EFHB: variants seen among roughly 807,000 people sequenced by gnomAD.
EFHB encodes EF-hand domain family member B, also known as EF-hand domain-containing family member B.
In EFHB, 91 loss-of-function variants were observed where a neutral mutation model predicts 87.2. The ratio of observed to expected loss-of-function variants is 1.04; its 90% CI spans 0.88 to 1.24. The LOEUF (loss-of-function observed/expected upper bound fraction) is 1.24, where lower values mean the gene tolerates loss of function less well. EFHB is among the 50% of genes most tolerant of loss of function. EFHB has a pLI of 0.00. For synonymous variants in EFHB, 325 were observed against 333.6 expected (o/e 0.97, Z 0.28); for missense variants, 1,084 against 998.8 (o/e 1.09, Z -1.15).
At chr3:19,915,466 A>T in intron 4 of EFHB, 53 bp from the exon 5 acceptor site, 2 of 1,203,854 alleles carry the variant, frequency 1.7e-6, no homozygotes, top group African/African-American at 3.0e-5. Context: ...ACCTATTTAT[A>T]ATACGTTTAT....
intron 1 of EFHB, chr3:19,941,186 G>A (rs377656776): frequency 2.7e-6 from 1 of 368,516 alleles, no homozygotes; most frequent in Non-Finnish European, 5.2e-6. Flanking sequence ...AAAATATCAT[G>A]AATCTGTGAC....
rs917997267 is a variant in EFHB, at chr3:19,898,754, T to A, written c.1570+24A>T. 4 of 1,611,460 alleles carry A rather than the reference T, an allele frequency of 2.5e-6. No individual in the cohort carries two copies. In the African/African-American group the frequency reaches 5.3e-5, roughly 22 times the overall value. ...TTGTTGCTGTTTGTTTGGGGTTTTT[T>A]ACGGAGAAAGTGTGTATATTTACCA... On this transcript the variant is annotated intron_variant, in intron 8 of 12. Coordinates refer to ENST00000295824, the MANE Select transcript of EFHB (RefSeq NM_144715.4).
intron 1 of EFHB, among the ~76,000 whole-genome samples, chr3:19,939,516 C>T (rs544866174): frequency 3.7e-4 from 56 of 151,328 alleles, no homozygotes; most frequent in African/African-American, 1.3e-3. Flanking sequence ...TCTAGAGTAG[C>T]TGGGACTACA....
chr3:19,931,742 C>T (rs140883478), intron 1 of EFHB, among the ~76,000 whole-genome samples: 5 of 152,238 alleles, frequency 3.3e-5, no homozygotes, highest in African/African-American at 2.4e-5. Context: ...TTTAATCATC[C>T]GGGTTTCCTT....
chr3:19,921,781 T>A (rs1314251003), intron 1 of EFHB, among the ~76,000 whole-genome samples: 14 of 151,522 alleles, frequency 9.2e-5, no homozygotes, highest in South Asian at 2.1e-4. Flanking sequence ...AGATTTTTTT[T>A]AATTCAGTTG....
intron 11 of EFHB, 101 bp from the exon 12 acceptor site, chr3:19,882,832 T>A: frequency 9.3e-7 from 1 of 1,074,402 alleles, no homozygotes; most frequent in African/African-American, 1.6e-5. Context: ...AAAATGTAGC[T>A]AGGAAGAATT....
At chr3:19,887,700 A>C (rs1694155150) in intron 10 of EFHB, among the ~76,000 whole-genome samples, 1 of 152,230 alleles carries the variant, frequency 6.6e-6, no homozygotes, top group Non-Finnish European at 1.5e-5. Flanking sequence ...GAAAGTTTAC[A>C]AATTTGTGTT....
rs557196879 is a variant in EFHB at position 19,884,135 on chromosome 3, A to G, written c.2146+268T>C. Among the ~76,000 whole-genome samples the G allele has an allele frequency of 2.6e-5, 4 of 152,356 alleles. No individual in the cohort carries two copies. The South Asian group carries it at 8.3e-4, about 32-fold the overall frequency. On this transcript the variant is annotated intron_variant, in intron 11 of 12. Transcript: ENST00000295824. ...AATACTTGGTGGAGTCTGAATTACT[A>G]CAATGTATAACATTCAATGTTCTGA...
upstream of EFHB, chr3:19,936,129 A>C (rs1460933349): frequency 6.0e-6 from 9 of 1,496,790 alleles, no homozygotes; most frequent in Non-Finnish European, 8.0e-6. Flanking sequence ...GGGTCTGGAC[A>C]TAGTCACTCA....
At chr3:19,927,986 A>G (rs1358130506) in intron 1 of EFHB, among the ~76,000 whole-genome samples, 1 of 149,572 alleles carries the variant, frequency 6.7e-6, no homozygotes, top group Non-Finnish European at 1.5e-5. Flanking sequence ...ATAGTAGCTA[A>G]TACTATACAT....
chr3:19,910,319 T>C (rs1695010685), intron 5 of EFHB, among the ~76,000 whole-genome samples: 1 of 152,044 alleles, frequency 6.6e-6, no homozygotes, highest in South Asian at 2.1e-4. Flanking sequence ...CTGGCAGTAT[T>C]CCTCATGGCC....
chr3:19,896,758 G>T lies in EFHB; in HGVS notation c.1654C>A (p.Arg552=), dbSNP rs201173584. The part of the protein sequence containing the change: ...DRQRALIAAV[R]HHLKKVNYQK... ...TAATTAACTTTCTTCAGGTGATGCC[G>T]AACTGCTGCAATCAGGGCTCGCTGT... Residue 552 remains arginine, a synonymous_variant, in exon 9 of 13, where the codon CGG becomes AGG. Coordinates refer to ENST00000295824, the MANE Select transcript of EFHB (RefSeq NM_144715.4). 1.2e-6 allele frequency: 2 copies of T among 1,613,662 alleles called. No homozygotes were observed. The highest frequency in any genetic ancestry group is 2.2e-5 in the South Asian group (2 of 91,084).
intron 5 of EFHB, among the ~76,000 whole-genome samples, chr3:19,906,867 C>T (rs923237654): frequency 4.6e-5 from 7 of 151,938 alleles, no homozygotes; most frequent in African/African-American, 1.7e-4. Flanking sequence ...AACAGACATA[C>T]AGGCTAGTGG....
chr3:19,925,947 C>T (rs1695608921), intron 1 of EFHB, among the ~76,000 whole-genome samples: 1 of 152,182 alleles, frequency 6.6e-6, no homozygotes, highest in South Asian at 2.1e-4. Context: ...GTACCCATTC[C>T]CTTTCTGCCC....
chr3:19,936,098 T>C (rs540522992), upstream of EFHB: 28 of 1,251,618 alleles, frequency 2.2e-5, no homozygotes, highest in Non-Finnish European at 2.7e-5. Context: ...AATCCAAAAA[T>C]ATTTTTTTAA....
intron 5 of EFHB, among the ~76,000 whole-genome samples, chr3:19,907,123 T>A (rs904911363): frequency 6.6e-6 from 1 of 150,976 alleles, no homozygotes. Context: ...CTTATTGACA[T>A]TGGCCTTGGC....
At chr3:19,917,578 A>G (rs891788619) in intron 4 of EFHB, among the ~76,000 whole-genome samples, 1 of 152,180 alleles carries the variant, frequency 6.6e-6, no homozygotes. Flanking sequence ...GATAACCTGA[A>G]AAAGAGTAGA....
intron 5 of EFHB, among the ~76,000 whole-genome samples, chr3:19,908,576 G>GAA (rs1559459512): frequency 1.0e-5 from 1 of 95,660 alleles, no homozygotes; most frequent in African/African-American, 4.9e-5. Context: ...GAGAGAGAGA[G>GAA]AGAGAGAGAG....
chr3:19,923,427 A>G lies in EFHB; in HGVS notation c.790-2860T>C, dbSNP rs995559528. On this transcript the variant is annotated intron_variant, in intron 1 of 12. Transcript: ENST00000295824. The stretch of plus-strand genomic sequence containing the variant: ...GTCAGACTGCAGTGGTGCAGATGTC[A>G]GCTCACTGCAACCTCTGCCTTTCAA... 2.0e-5 allele frequency among the ~76,000 whole-genome samples: 3 copies of G among 152,288 alleles called. No homozygotes were observed. The East Asian group carries it at 5.8e-4, about 29-fold the overall frequency.
Sources: allele counts gnomAD v4.1 joint callset (sites outside exome capture counted in the v4.1 genomes callset), GRCh38; gene constraint gnomAD v4.1.1; transcripts MANE v1.5; gene names NCBI Gene and HGNC (gene_info 2026-07-23, HGNC 2026-07-21).